The following JMJD1C variants were observed in gnomAD, a reference collection of about 807,000 sequenced individuals.
JMJD1C encodes jumonji domain-containing protein 1C.
Under a neutral mutation model 245.3 loss-of-function variants are expected in JMJD1C, and 31 were observed. The ratio of observed to expected loss-of-function variants is 0.13; its 90% CI spans 0.09 to 0.17. The LOEUF (loss-of-function observed/expected upper bound fraction) is 0.17. Ranked by LOEUF, JMJD1C falls within the 10% of genes least tolerant of loss-of-function variation. The pLI, the probability that JMJD1C is intolerant of heterozygous loss-of-function variation, is 1.00. For synonymous variants in JMJD1C, 1,057 were observed against 1,017.4 expected (o/e 1.04, Z -0.74); for missense variants, 2,691 against 3,000.2 (o/e 0.90, Z 2.41).
chr10:63,421,746 A>C (rs549751185), intron 1 of JMJD1C, among the ~76,000 whole-genome samples: 1 of 152,294 alleles, frequency 6.6e-6, no homozygotes, highest in South Asian at 2.1e-4. Flanking sequence ...TACTTTTAAG[A>C]GGAAGAAATA....
At chr10:63,486,616 C>T (rs1954010004) in intron 1 of JMJD1C, among the ~76,000 whole-genome samples, 2 of 152,076 alleles carry the variant, frequency 1.3e-5, no homozygotes, top group Admixed American at 6.6e-5. Flanking sequence ...AAAAAAACAA[C>T]AAACCCACCC....
At position 63,507,644 on chromosome 10, in the gene JMJD1C, C is replaced by CAAAAAAAACAA. The variant is rs1554955166; in HGVS notation, n.113+14093_113+14094insTTGTTTTTTTT. 3.4e-5 allele frequency among the ~76,000 whole-genome samples: 2 copies of CAAAAAAAACAA among 58,754 alleles called. 1 individual carries two copies. Among genetic ancestry groups the CAAAAAAAACAA allele is most frequent in the Non-Finnish European group, 5.5e-5 (2 of 36,038 alleles). The allele number at this position is 58,754 out of a possible 152,430, so 38.5% of individuals were successfully genotyped here. A position where few individuals can be genotyped will look rare whatever the true frequency, so the allele number is the denominator to read the frequency against. On this transcript the variant is annotated intron_variant and non_coding_transcript_variant, in intron 1 of 3. Transcript: ENST00000633035. ...TGGGCAACAGAGTAAGACTCTGTCT[C>CAAAAAAAACAA]AAAAAAAAAAAAAAAAAAACAGTGG... is the stretch of plus-strand genomic sequence containing the variant.
At chr10:63,339,620 A>AT (rs1437899746) in intron 2 of JMJD1C, among the ~76,000 whole-genome samples, 1 of 39,668 alleles carries the variant, frequency 2.5e-5, no homozygotes, top group African/African-American at 2.6e-4. Context: ...ACCATCTCTA[A>AT]TTTAAAAAAA....
At chr10:63,289,660 C>T (rs1438096417) in intron 2 of JMJD1C, among the ~76,000 whole-genome samples, 1 of 152,134 alleles carries the variant, frequency 6.6e-6, no homozygotes, top group Non-Finnish European at 1.5e-5. Flanking sequence ...AGAAAATTTA[C>T]AAATACCTTA....
At chr10:63,222,488 G>A in intron 3 of JMJD1C, 1 of 1,031,890 alleles carries the variant, frequency 9.7e-7, no homozygotes, top group Non-Finnish European at 1.5e-6. Context: ...GGCAGTAGGA[G>A]AATGTGGACT....
At chr10:63,178,370 A>T (rs1267604788) in intron 22 of JMJD1C, among the ~76,000 whole-genome samples, 2 of 152,224 alleles carry the variant, frequency 1.3e-5, no homozygotes, top group Non-Finnish European at 2.9e-5. Context: ...AAGAAGCAGG[A>T]GATAGAAAAC....
At chr10:63,377,333 A>T (rs144513241) in intron 2 of JMJD1C, among the ~76,000 whole-genome samples, 99 of 152,370 alleles carry the variant, frequency 6.5e-4, no homozygotes, top group African/African-American at 2.3e-3. Flanking sequence ...TAGTGGTAAC[A>T]CACAACACGA....
At chr10:63,202,628 T>C (rs926682044) in intron 10 of JMJD1C, 194 of 985,332 alleles carry the variant, frequency 2.0e-4, no homozygotes, top group Non-Finnish European at 2.3e-4. Flanking sequence ...TGTCTCTAAC[T>C]TAGGGTAAGG....
intron 2 of JMJD1C, among the ~76,000 whole-genome samples, chr10:63,295,972 T>TAAAC (rs1859352041): frequency 3.4e-5 from 1 of 29,792 alleles, no homozygotes; most frequent in Non-Finnish European, 6.7e-5. Context: ...TGTGTGTGTG[T>TAAAC]GTGTGTGTGT....
At chr10:63,483,350 G>A (rs2133192967) in intron 1 of JMJD1C, among the ~76,000 whole-genome samples, 1 of 152,264 alleles carries the variant, frequency 6.6e-6, no homozygotes, top group East Asian at 1.9e-4. Flanking sequence ...CATAAGTCTA[G>A]ATCAGAAAGT....
chr10:63,510,335 C>T lies in JMJD1C; in HGVS notation n.113+11403G>A, dbSNP rs1160620546. Among the ~76,000 whole-genome samples the T allele has an allele frequency of 2.0e-5, 3 of 152,138 alleles. No homozygotes were observed. In the East Asian group the frequency reaches 5.8e-4, roughly 29 times the overall value. On this transcript the variant is annotated intron_variant and non_coding_transcript_variant, in intron 1 of 3. Coordinates refer to the JMJD1C transcript ENST00000633035. ...GATCTTTCATCTTTTCTAATAAATG[C>T]ATTCAATCCAATAAATTCCCCTCTA...
chr10:63,305,927 T>C (rs1360980380), intron 2 of JMJD1C, among the ~76,000 whole-genome samples: 1 of 151,850 alleles, frequency 6.6e-6, no homozygotes, highest in Non-Finnish European at 1.5e-5. Flanking sequence ...TTTCACATTG[T>C]TGCCCACGCT....
At chr10:63,417,003 T>A (rs547850956) in intron 1 of JMJD1C, among the ~76,000 whole-genome samples, 1 of 152,208 alleles carries the variant, frequency 6.6e-6, no homozygotes, top group Non-Finnish European at 1.5e-5. Flanking sequence ...AGAATCACTT[T>A]GCAACTAATT....
rs768330269 is a variant in JMJD1C, at chr10:63,208,378, C to A, written c.3291G>T (p.Leu1097Phe). 1 of 1,613,886 alleles carries A rather than the reference C, an allele frequency of 6.2e-7. No homozygotes were observed. Among genetic ancestry groups the A allele is most frequent in the East Asian group, 2.2e-5 (1 of 44,868 alleles). The change falls in exon 10 of 26, where the codon TTG (leucine) becomes TTT (phenylalanine). Residue 1097 changes from leucine (L) to phenylalanine (F), a missense_variant. By Grantham distance (22) the Leu-to-Phe change is conservative. Coordinates refer to ENST00000399262, the MANE Select transcript of JMJD1C (RefSeq NM_032776.3). ...GTGGTTCATTGACCACACTATTAGA[C>A]AATGTAGTGAAATAGTTACTTTGGG... ...SLPQSNYFTT[L>F]SNSVVNEPPR...
chr10:63,178,373 T>C (rs897415106), intron 22 of JMJD1C, among the ~76,000 whole-genome samples: 2 of 152,224 alleles, frequency 1.3e-5, no homozygotes, highest in African/African-American at 4.8e-5. Flanking sequence ...AAGCAGGAGA[T>C]AGAAAACCTA....
At chr10:63,298,004 C>G (rs117742445) in intron 2 of JMJD1C, among the ~76,000 whole-genome samples, 1 of 152,230 alleles carries the variant, frequency 6.6e-6, no homozygotes, top group African/African-American at 2.4e-5. Flanking sequence ...TCCATCCACA[C>G]GCGGGTGCTG....
In JMJD1C at chr10:63,185,568, T is replaced by A. The variant is rs1462199507; in HGVS notation, c.6825A>T (p.Pro2275=). The A allele has an allele frequency of 6.3e-7, 1 of 1,574,830 alleles. No homozygotes were observed. The highest frequency in any genetic ancestry group is 8.7e-7 in the Non-Finnish European group (1 of 1,143,800). The change falls in exon 20 of 26, where the codon CCA becomes CCT. Residue 2275 remains proline, a synonymous_variant. Coordinates refer to ENST00000399262, the MANE Select transcript of JMJD1C (RefSeq NM_032776.3). ...CAAAATGAAAAGTTTCAAACCTTGC[T>A]GGCATCATAGTCTTGAAGTCTTCTC... ...PSGEDFKTMM[P]ARYEDLLKSL...
intron 2 of JMJD1C, among the ~76,000 whole-genome samples, chr10:63,303,525 C>T (rs1860343830): frequency 6.6e-6 from 1 of 152,108 alleles, no homozygotes. Context: ...AGGCTGGTCT[C>T]GAACTCCTAA....
intron 10 of JMJD1C, chr10:63,204,538 C>T (rs193143242): frequency 1.3e-4 from 130 of 985,278 alleles, no homozygotes; most frequent in African/African-American, 1.7e-5. Context: ...ACACCCAACA[C>T]CAAAGGAAAT....
Sources: gnomAD v4.1 joint callset for allele counts (sites outside exome capture counted in the v4.1 genomes callset) on GRCh38, gnomAD v4.1.1 for gene constraint, MANE v1.5 for transcripts, NCBI Gene and HGNC (gene_info 2026-07-23, HGNC 2026-07-21) for gene names.